Variants in C2CD5 observed in about 807,000 individuals in gnomAD.
C2CD5 encodes C2 calcium dependent domain containing 5, also known as C2 domain-containing protein 5.
C2CD5 carries 109 observed loss-of-function variants against 130.3 expected under a neutral mutation model. The observed-to-expected ratio is 0.84, with a 90% confidence interval of 0.72 to 0.98. The LOEUF is 0.98. Among genes scored for constraint, C2CD5 ranks in the 50% least tolerant of loss-of-function variants. The pLI is 0.00. For missense variants in C2CD5, 996 were observed against 1,261.8 expected, an observed-to-expected ratio of 0.79 and a Z score of 3.19; for synonymous variants, 454 against 429.2, an observed-to-expected ratio of 1.06 and a Z score of -0.71.
intron 4 of C2CD5, among the ~76,000 whole-genome samples, chr12:22,527,330 A>ATTT (rs752914937): frequency 1.6e-3 from 224 of 138,146 alleles, no homozygotes; most frequent in African/African-American, 6.1e-3. Flanking sequence ...ATATATATAT[A>ATTT]TTTTTTTTTT....
chr12:22,528,212 C>T (rs903471619), intron 3 of C2CD5, among the ~76,000 whole-genome samples: 1 of 152,060 alleles, frequency 6.6e-6, no homozygotes, highest in Admixed American at 6.6e-5. Context: ...GCAAAAATGC[C>T]TAAGGAATGT....
intron 10 of C2CD5, 86 bp downstream of exon 10, chr12:22,506,625 A>G (rs1408708356): frequency 5.3e-6 from 4 of 753,736 alleles, no homozygotes; most frequent in Non-Finnish European, 9.3e-6. Flanking sequence ...CTTTTCAGTT[A>G]GATTTGGCTT....
intron 8 of C2CD5, among the ~76,000 whole-genome samples, chr12:22,514,098 C>G (rs1949474737): frequency 6.6e-6 from 1 of 151,910 alleles, no homozygotes; most frequent in Non-Finnish European, 1.5e-5. Flanking sequence ...AATTTCTTTC[C>G]CTACCTTATT....
intron 3 of C2CD5, among the ~76,000 whole-genome samples, chr12:22,530,076 CTATATATA>C (rs918605281): frequency 7.5e-4 from 58 of 77,294 alleles, no homozygotes; most frequent in South Asian, 4.0e-3. Flanking sequence ...TATTTGAGTG[CTATATATA>C]TATATATATA....
At chr12:22,543,750 G>A (rs1293203682) in intron 2 of C2CD5, among the ~76,000 whole-genome samples, 1 of 152,168 alleles carries the variant, frequency 6.6e-6, no homozygotes, top group African/African-American at 2.4e-5. Flanking sequence ...GTCGGTGGCT[G>A]CGCGGCCACG....
intron 22 of C2CD5, chr12:22,463,806 A>G (rs1307640956): frequency 6.6e-6 from 1 of 152,230 alleles, no homozygotes; most frequent in Admixed American, 6.5e-5. Context: ...TCTTTTAAGA[A>G]TTACTAAAAC....
chr12:22,538,186 C>G (rs1256962159), intron 2 of C2CD5, among the ~76,000 whole-genome samples: 1 of 152,190 alleles, frequency 6.6e-6, no homozygotes, highest in Non-Finnish European at 1.5e-5. Flanking sequence ...GTGTAAAAGT[C>G]AACTGTTTAG....
chr12:22,474,958 A>G (rs866671054), intron 15 of C2CD5, 67 bp from the exon 16 acceptor site: 3 of 1,062,432 alleles, frequency 2.8e-6, no homozygotes, highest in Non-Finnish European at 3.9e-6. Context: ...TTACATCTTT[A>G]TATTAGTAGA....
rs374121732 is a variant in C2CD5 at position 22,524,560 on chromosome 12, A to G, written c.513T>C (p.Asn171=). The change falls in exon 6 of 27, where the codon AAT becomes AAC. Residue 171 remains asparagine, a synonymous_variant. Coordinates refer to ENST00000446597, the MANE Select transcript of C2CD5 (RefSeq NM_001286176.2). ...CAATCCACTGATATTCTGGGTCTTC[A>G]TTGACCACAAGTTCTTCTACAAATC... is the stretch of plus-strand genomic sequence containing the variant. ...IHGFVEELVV[N]EDPEYQWIDR... The G allele has an allele frequency of 2.9e-4, 471 of 1,613,396 alleles. No homozygotes were observed. The highest frequency in any genetic ancestry group is 3.9e-4 in the Non-Finnish European group (462 of 1,179,470).
intron 22 of C2CD5, among the ~76,000 whole-genome samples, chr12:22,468,784 T>C (rs1046556507): frequency 2.0e-5 from 3 of 152,218 alleles, no homozygotes; most frequent in African/African-American, 7.2e-5. Context: ...TATTTATCTA[T>C]ATAAACAGAC....
intron 22 of C2CD5, chr12:22,463,402 A>G (rs1325841242): frequency 6.6e-6 from 1 of 152,070 alleles, no homozygotes. Flanking sequence ...AAAAAAAAAA[A>G]AAAGTAGGAC....
intron 15 of C2CD5, 21 bp downstream of exon 15, chr12:22,478,292 A>G (rs539161225): frequency 1.3e-6 from 2 of 1,576,914 alleles, no homozygotes; most frequent in South Asian, 1.1e-5. Context: ...TACATTCACA[A>G]TGTAGGTTTG....
In C2CD5 at chr12:22,472,325, T is replaced by A; in HGVS notation, c.2130A>T (p.Glu710Asp). The stretch of plus-strand genomic sequence containing the variant: ...TCCAATTATTTATACCGGGCATAAT[T>A]TCTGTATTACAACTATAAAAGCCTG... ...PPSGFYSCNT[E>D]IMPGINNWTS... Residue 710 changes from glutamate to aspartate, a missense_variant, in exon 18 of 27, where the codon GAA (glutamate) becomes GAT (aspartate). Physicochemically the swap from Glu to Asp is conservative, Grantham distance 45. Coordinates refer to ENST00000446597, the MANE Select transcript of C2CD5 (RefSeq NM_001286176.2). 6.7e-7 allele frequency: 1 copy of A among 1,497,812 alleles called. No individual in the cohort carries two copies. 92.8% of individuals were successfully genotyped at this position (1,497,812 alleles called of 1,614,324 possible).
intron 16 of C2CD5, among the ~76,000 whole-genome samples, chr12:22,473,013 C>T (rs1387163398): frequency 1.3e-5 from 2 of 151,968 alleles, no homozygotes; most frequent in East Asian, 1.9e-4. Context: ...GTACAAAGTA[C>T]ACTAAGTTAA....
In C2CD5 at chr12:22,523,590, A is replaced by G; in HGVS notation, c.636T>C (p.Leu212=). 1.2e-6 allele frequency: 2 copies of G among 1,613,862 alleles called. No individual in the cohort carries two copies. Among genetic ancestry groups the G allele is most frequent in the Non-Finnish European group, 1.7e-6 (2 of 1,179,972 alleles). The change falls in exon 7 of 27, where the codon CTT becomes CTC. Residue 212 remains leucine, a synonymous_variant. Coordinates refer to ENST00000446597, the MANE Select transcript of C2CD5 (RefSeq NM_001286176.2). Reference sequence around the variant, plus strand: ...CCACAACTGCATTTCCTCTCATTTCAAGTACTTTCAAGCCAATCTTCCTCT... The same window carrying G: ...CCACAACTGCATTTCCTCTCATTTCGAGTACTTTCAAGCCAATCTTCCTCT... ...ELQRKIGLKV[L]EMRGNAVVGY... is the part of the protein sequence containing the mutation.
At chr12:22,530,107 TATATACACACAC>T (rs1306284701) in intron 3 of C2CD5, among the ~76,000 whole-genome samples, 154 of 111,556 alleles carry the variant, frequency 1.4e-3, no homozygotes, top group African/African-American at 5.7e-3. Flanking sequence ...TATATATATA[TATATACACACAC>T]ACACACACAC....
chr12:22,449,797 C>A lies in C2CD5; in HGVS notation c.3119G>T (p.Cys1040Phe). The change falls in exon 27 of 27, where the codon TGC (cysteine) becomes TTC (phenylalanine). Residue 1040 changes from cysteine (C) to phenylalanine (F), a missense_variant. Coordinates refer to ENST00000446597, the MANE Select transcript of C2CD5 (RefSeq NM_001286176.2). ...VVSSQQPTTN[C>F]QSSCTEGEVT... ...TTCGCCTTCAGTACATGATGACTGG[C>A]AGTTGGTAGTAGGTTGCTGAGATGA... 1.2e-6 allele frequency: 2 copies of A among 1,608,680 alleles called. No homozygotes were observed. Among genetic ancestry groups the A allele is most frequent in the Non-Finnish European group, 1.7e-6 (2 of 1,176,086 alleles).
At chr12:22,465,909 C>A (rs977134267) in intron 22 of C2CD5, among the ~76,000 whole-genome samples, 1 of 151,972 alleles carries the variant, frequency 6.6e-6, no homozygotes, top group African/African-American at 2.4e-5. Flanking sequence ...AAAATCAAGA[C>A]AACCAGCAAG....
At chr12:22,538,675 A>G (rs1359311213) in intron 2 of C2CD5, among the ~76,000 whole-genome samples, 1 of 152,214 alleles carries the variant, frequency 6.6e-6, no homozygotes, top group Admixed American at 6.5e-5. Flanking sequence ...ATTCAACAAG[A>G]ATCTTCCTTT....
Sources: allele counts gnomAD v4.1 joint callset (sites outside exome capture counted in the v4.1 genomes callset), GRCh38; gene constraint gnomAD v4.1.1; transcripts MANE v1.5; gene names NCBI Gene and HGNC (gene_info 2026-07-23, HGNC 2026-07-21).